Variants in SLC25A28 observed in about 807,000 individuals in gnomAD.
SLC25A28 encodes the protein solute carrier family 25 member 28, also known as mitoferrin-2.
Under a neutral mutation model 31.9 loss-of-function variants are expected in SLC25A28, and 10 were observed. That is an observed-to-expected ratio of 0.31 (90% CI 0.19 to 0.53). SLC25A28 has a LOEUF of 0.53. SLC25A28 is among the 20% of genes least tolerant of loss of function. The pLI is 0.95. For synonymous variants in SLC25A28, 208 were observed against 203.6 expected, an observed-to-expected ratio of 1.02 and a Z score of -0.19; for missense variants, 256 against 490.3, an observed-to-expected ratio of 0.52 and a Z score of 4.51.
At chr10:99,634,129 G>A in the SLC25A28 span, among the ~76,000 whole-genome samples, 1 of 152,180 alleles carries the variant, frequency 6.6e-6, no homozygotes, top group African/African-American at 2.4e-5. Flanking sequence ...TGCCCTGTGT[G>A]ACAAAAGAAT....
At chr10:99,645,093 G>A in the SLC25A28 span, among the ~76,000 whole-genome samples, 6 of 152,126 alleles carry the variant, frequency 3.9e-5, no homozygotes, top group African/African-American at 1.4e-4. Context: ...GAATTTGAAT[G>A]TTGGCCTGCC....
rs922854402 is a variant in SLC25A28 at position 99,611,807 on chromosome 10, G to T, written c.578-441C>A. Among the ~76,000 whole-genome samples the T allele has an allele frequency of 4.6e-5, 7 of 152,172 alleles. No individual in the cohort carries two copies. The highest frequency in any genetic ancestry group is 1.7e-4 in the African/African-American group (7 of 41,442). On this transcript the variant is annotated intron_variant, in intron 3 of 3. Coordinates refer to ENST00000370495, the MANE Select transcript of SLC25A28 (RefSeq NM_031212.4). The surrounding 1 kb of genome is among the most constrained non-coding windows in gnomAD (Gnocchi z 5.5). ...CCTAACTTTTAAAATGTGAGATGGTGATCCTCCTAGAGGGGAGGAGACAGA... is the reference window on the plus strand; with the variant it reads ...CCTAACTTTTAAAATGTGAGATGGTTATCCTCCTAGAGGGGAGGAGACAGA...
chr10:99,653,949 T>C, the SLC25A28 span: 1 of 152,134 alleles, frequency 6.6e-6, no homozygotes, highest in Non-Finnish European at 1.5e-5. Flanking sequence ...GAGCAAAAAA[T>C]AAGAAGCATG....
In SLC25A28 at chr10:99,613,077, C is replaced by T. The variant is rs1340457037; in HGVS notation, c.521-478G>A. ...AAAGATCTTTCGTTCAGGTCCTGAACTACTCTACCCCTCATCCTCTCCACA... is the reference window on the plus strand; with the variant it reads ...AAAGATCTTTCGTTCAGGTCCTGAATTACTCTACCCCTCATCCTCTCCACA... On this transcript the variant is annotated intron_variant, in intron 2 of 3. Transcript: ENST00000370495. This position sits in a 1 kb window ranked among gnomAD's most constrained non-coding sequence, Gnocchi z 4.9. Among the ~76,000 whole-genome samples, 1 of 152,184 alleles carries T rather than the reference C, an allele frequency of 6.6e-6. No homozygotes were observed. Among genetic ancestry groups the T allele is most frequent in the Non-Finnish European group, 1.5e-5 (1 of 68,024 alleles).
At chr10:99,640,489 A>C in the SLC25A28 span, among the ~76,000 whole-genome samples, 1 of 152,210 alleles carries the variant, frequency 6.6e-6, no homozygotes. Flanking sequence ...GATATGTACT[A>C]TCTCATTGTG....
At chr10:99,649,112 T>C in the SLC25A28 span, among the ~76,000 whole-genome samples, 1 of 152,190 alleles carries the variant, frequency 6.6e-6, no homozygotes, top group East Asian at 1.9e-4. Flanking sequence ...GACCTTATTA[T>C]GTTAAGGTAT....
upstream of SLC25A28, chr10:99,620,655 T>C: frequency 2.0e-6 from 2 of 988,588 alleles, no homozygotes; most frequent in Non-Finnish European, 2.4e-6. Flanking sequence ...TGGTCACTGA[T>C]TGGCCGACAT....
At chr10:99,617,081 T>C (rs1405924002) in intron 1 of SLC25A28, 1 of 985,462 alleles carries the variant, frequency 1.0e-6, no homozygotes, top group Non-Finnish European at 1.2e-6. Context: ...ATTATATAAG[T>C]GGATATTTGC....
At chr10:99,658,193 TTAAG>T in the SLC25A28 span, among the ~76,000 whole-genome samples, 4 of 152,030 alleles carry the variant, frequency 2.6e-5, no homozygotes, top group East Asian at 1.9e-4. Context: ...CTGTAGGTAA[TTAAG>T]TAAGTAAGTA....
chr10:99,648,870 G>T, the SLC25A28 span, among the ~76,000 whole-genome samples: 23 of 151,710 alleles, frequency 1.5e-4, no homozygotes, highest in Non-Finnish European at 2.9e-5. Flanking sequence ...AACCCCAAAG[G>T]GTTTTCTAGA....
the SLC25A28 span, among the ~76,000 whole-genome samples, chr10:99,642,666 A>C: frequency 6.6e-6 from 1 of 152,116 alleles, no homozygotes; most frequent in Non-Finnish European, 1.5e-5. Flanking sequence ...GCATGCTTCC[A>C]GTTTTTGCCC....
At chr10:99,622,533 T>C, upstream of SLC25A28, 1 of 504,628 alleles carries the variant, frequency 2.0e-6, no homozygotes, top group Non-Finnish European at 2.6e-6. Context: ...TTTACATTTT[T>C]CACTCTTTTA....
At chr10:99,623,320 G>C (rs1390576537), upstream of SLC25A28, among the ~76,000 whole-genome samples, 1 of 152,150 alleles carries the variant, frequency 6.6e-6, no homozygotes, top group African/African-American at 2.4e-5. Flanking sequence ...CTTGATTTCT[G>C]ACTCAGCGTG....
the SLC25A28 span, among the ~76,000 whole-genome samples, chr10:99,626,900 G>A: frequency 6.6e-6 from 1 of 151,940 alleles, no homozygotes; most frequent in South Asian, 2.1e-4. Context: ...TTGTCTGTCT[G>A]ATGAGTCACT....
the SLC25A28 span, among the ~76,000 whole-genome samples, chr10:99,629,418 C>A: frequency 6.6e-6 from 1 of 152,256 alleles, no homozygotes; most frequent in East Asian, 1.9e-4. Context: ...TATAGCAACA[C>A]AAGACTAAGA....
chr10:99,641,364 C>T, the SLC25A28 span, among the ~76,000 whole-genome samples: 127,751 of 152,134 alleles, frequency 0.84, 53,878 homozygotes, highest in Middle Eastern at 0.92. Context: ...TAAATGTCTT[C>T]TTTTGAGAAG....
the SLC25A28 span, among the ~76,000 whole-genome samples, chr10:99,650,961 A>G: frequency 2.0e-5 from 3 of 152,108 alleles, no homozygotes; most frequent in South Asian, 6.2e-4. Context: ...TATCTGTGCA[A>G]TTTTAGGCAG....
At chr10:99,631,939 G>A in the SLC25A28 span, among the ~76,000 whole-genome samples, 1 of 124,050 alleles carries the variant, frequency 8.1e-6, no homozygotes, top group Non-Finnish European at 1.6e-5. Context: ...GCCCAGGCCG[G>A]ACTGCGGACT....
the SLC25A28 span, chr10:99,653,795 A>G: frequency 6.6e-6 from 1 of 152,214 alleles, no homozygotes; most frequent in Admixed American, 6.5e-5. Flanking sequence ...ATTAAGCCCA[A>G]GGGATTCCAT....
Sources: gnomAD v4.1 joint callset for allele counts (sites outside exome capture counted in the v4.1 genomes callset) on GRCh38, gnomAD v4.1.1 for gene constraint, Gnocchi (gnomAD v3.1) non-coding constraint, MANE v1.5 for transcripts, NCBI Gene and HGNC (gene_info 2026-07-23, HGNC 2026-07-21) for gene names.